The following PKD1L1 variants were observed in gnomAD, a reference collection of about 807,000 sequenced individuals.
PKD1L1 encodes polycystin-1-like protein 1.
Under a neutral mutation model 323.4 loss-of-function variants are expected in PKD1L1, and 236 were observed. That is an observed-to-expected ratio of 0.73 (90% CI 0.66 to 0.81). The LOEUF is 0.81. Ranked by LOEUF, PKD1L1 falls within the 40% of genes least tolerant of loss-of-function variation. The pLI is 0.00. For synonymous variants in PKD1L1, 1,344 were observed against 1,335.0 expected (o/e 1.01, Z -0.15); for missense variants, 3,320 against 3,508.0 (o/e 0.95, Z 1.35).
At chr7:47,861,740 G>C (rs1202373652) in intron 26 of PKD1L1, among the ~76,000 whole-genome samples, 1 of 151,982 alleles carries the variant, frequency 6.6e-6, no homozygotes, top group East Asian at 1.9e-4. Flanking sequence ...AATTAGCCGG[G>C]CATGGTGGTG....
chr7:47,865,710 C>T (rs977129488), intron 25 of PKD1L1, among the ~76,000 whole-genome samples: 20 of 151,700 alleles, frequency 1.3e-4, no homozygotes, highest in Admixed American at 6.6e-4. Flanking sequence ...CTCAGCCTCC[C>T]GAGTAGCTGG....
At chr7:47,897,936 T>G in intron 14 of PKD1L1, 52 bp downstream of exon 14, 107 of 1,426,880 alleles carry the variant, frequency 7.5e-5, no homozygotes, top group Non-Finnish European at 8.7e-5. Flanking sequence ...TCCAGGGCGA[T>G]GAGAAGCATG....
chr7:47,960,351 C>T, the PKD1L1 span, among the ~76,000 whole-genome samples: 1 of 123,912 alleles, frequency 8.1e-6, no homozygotes, highest in African/African-American at 3.1e-5. Flanking sequence ...GTGAGAAACA[C>T]CCAAGAATGA....
At position 47,777,493 on chromosome 7, in the gene PKD1L1, C is replaced by A. The variant is rs60643607; in HGVS notation, c.8527-2327G>T. On this transcript the variant is annotated intron_variant, in intron 56 of 56. Coordinates refer to ENST00000289672, the MANE Select transcript of PKD1L1 (RefSeq NM_138295.5). ...AGATGGCATCTGCCCTACCTCTCAA[C>A]TTCTGGTTTTGTAGATAACACATTT... Among the ~76,000 whole-genome samples the A allele has an allele frequency of 5.8e-3, 887 of 152,320 alleles. 9 individuals are homozygous for A. The highest frequency in any genetic ancestry group is 0.02 in the African/African-American group (845 of 41,564).
the PKD1L1 span, among the ~76,000 whole-genome samples, chr7:47,958,802 TCTCCCC>T: frequency 6.9e-6 from 1 of 145,194 alleles, no homozygotes; most frequent in East Asian, 2.0e-4. Context: ...TCCCTCTCCC[TCTCCCC>T]ACGGTCTCCC....
chr7:47,806,124 C>T (rs1784772089), intron 52 of PKD1L1, among the ~76,000 whole-genome samples: 1 of 152,168 alleles, frequency 6.6e-6, no homozygotes, highest in Non-Finnish European at 1.5e-5. Flanking sequence ...GGTCAGAAGT[C>T]AGGAGGAGGC....
intron 20 of PKD1L1, among the ~76,000 whole-genome samples, chr7:47,881,574 A>T (rs752953320): frequency 6.6e-6 from 1 of 152,170 alleles, no homozygotes; most frequent in African/African-American, 2.4e-5. Flanking sequence ...CTTCATTTTG[A>T]CCAATTCATG....
At chr7:47,853,905 C>A (rs1785841544) in intron 30 of PKD1L1, among the ~76,000 whole-genome samples, 1 of 152,084 alleles carries the variant, frequency 6.6e-6, no homozygotes, top group Non-Finnish European at 1.5e-5. Flanking sequence ...GCAGCACCCA[C>A]ACGTATGTTT....
chr7:47,915,076 CAT>C (rs150490952), intron 8 of PKD1L1, among the ~76,000 whole-genome samples: 6,205 of 151,682 alleles, frequency 0.041, 424 homozygotes, highest in African/African-American at 0.14. Context: ...GGCCACATGA[CAT>C]GTGAAAATTT....
chr7:47,917,113 A>G (rs1319793882), intron 7 of PKD1L1, among the ~76,000 whole-genome samples: 1 of 152,208 alleles, frequency 6.6e-6, no homozygotes, highest in Non-Finnish European at 1.5e-5. Context: ...TCAAGGAAAC[A>G]GATAGCATAA....
chr7:47,896,440 G>A (rs181634738), intron 14 of PKD1L1, among the ~76,000 whole-genome samples: 199 of 151,852 alleles, frequency 1.3e-3, no homozygotes, highest in African/African-American at 4.5e-3. Context: ...GGGAGGGGGC[G>A]TAATGAGGCA....
intron 15 of PKD1L1, among the ~76,000 whole-genome samples, chr7:47,893,229 C>CAAAAAAAAAAA (rs529686945): frequency 2.3e-4 from 12 of 53,026 alleles, no homozygotes; most frequent in South Asian, 1.7e-3. Context: ...GACCCTATCT[C>CAAAAAAAAAAA]AAAAAAAAAA....
At position 47,833,227 on chromosome 7, in the gene PKD1L1, C is replaced by T. The variant is rs1027399964; in HGVS notation, c.6200G>A (p.Gly2067Glu). The T allele has an allele frequency of 6.8e-6, 11 of 1,612,952 alleles. No homozygotes were observed. In the African/African-American group the frequency reaches 1.3e-4, roughly 20 times the overall value. ...CGCCTTCCTTTGGGCCCTGCCACTC[C>T]CAGAGAGAATGGCTGATGCAGGTTG... ...RKQPASAILS[G>E]SGRAQRKAAS... is the part of the protein sequence containing the mutation. Residue 2067 changes from glycine to glutamate, a missense_variant, in exon 41 of 57, where the codon GGG (glycine) becomes GAG (glutamate). Transcript: ENST00000289672.
At chr7:47,785,336 T>C (rs1786782645) in intron 56 of PKD1L1, among the ~76,000 whole-genome samples, 1 of 152,198 alleles carries the variant, frequency 6.6e-6, no homozygotes, top group Non-Finnish European at 1.5e-5. Context: ...TGAGTGGACA[T>C]AGTTCACTTT....
intron 26 of PKD1L1, among the ~76,000 whole-genome samples, chr7:47,862,882 C>CGGGGAGTGCTGAGCA (rs1786063771): frequency 6.6e-6 from 1 of 152,106 alleles, no homozygotes. Context: ...GGAGAAGCCA[C>CGGGGAGTGCTGAGCA]GGGGAGTGCT....
intron 44 of PKD1L1, 132 bp from the exon 45 acceptor site, chr7:47,827,600 G>C (rs2128734349): frequency 1.4e-6 from 1 of 713,246 alleles, no homozygotes; most frequent in Non-Finnish European, 2.3e-6. Context: ...GAACAAAGAG[G>C]TACTTTGTAT....
At chr7:47,850,919 A>G (rs1023136883) in intron 31 of PKD1L1, among the ~76,000 whole-genome samples, 32 of 152,140 alleles carry the variant, frequency 2.1e-4, no homozygotes, top group Non-Finnish European at 1.5e-5. Context: ...TGTAGGATAG[A>G]GCAAAGTGAA....
chr7:47,880,261 TATACATATA>T (rs1562970409), intron 21 of PKD1L1, among the ~76,000 whole-genome samples: 32 of 93,858 alleles, frequency 3.4e-4, no homozygotes, highest in African/African-American at 6.0e-4. Flanking sequence ...TATATATATA[TATACATATA>T]TATATATATA....
At chr7:47,781,829 T>A (rs1786704656) in intron 56 of PKD1L1, among the ~76,000 whole-genome samples, 1 of 152,192 alleles carries the variant, frequency 6.6e-6, no homozygotes, top group African/African-American at 2.4e-5. Flanking sequence ...TTTGAATTAT[T>A]TTTGTATATG....
Sources: gnomAD v4.1 joint callset for allele counts (sites outside exome capture counted in the v4.1 genomes callset) on GRCh38, gnomAD v4.1.1 for gene constraint, MANE v1.5 for transcripts, NCBI Gene and HGNC (gene_info 2026-07-23, HGNC 2026-07-21) for gene names.